Variants in C6orf136 observed in about 807,000 individuals in gnomAD.
C6orf136 encodes the protein uncharacterized protein C6orf136.
In C6orf136, 29 loss-of-function variants were observed where a neutral mutation model predicts 44.0. The observed-to-expected ratio is 0.66, with a 90% confidence interval of 0.49 to 0.90. The LOEUF (loss-of-function observed/expected upper bound fraction) is 0.90, where lower values mean the gene tolerates loss of function less well. Among genes scored for constraint, C6orf136 ranks in the 40% least tolerant of loss-of-function variants. The pLI, the probability that C6orf136 is intolerant of heterozygous loss-of-function variation, is 0.00. For synonymous variants in C6orf136, 293 were observed against 278.6 expected (o/e 1.05, Z -0.52); for missense variants, 628 against 669.3 (o/e 0.94, Z 0.68).
At chr6:30,650,923 A>G in intron 2 of C6orf136, 71 bp from the exon 3 acceptor site, 2 of 1,310,586 alleles carry the variant, frequency 1.5e-6, no homozygotes, top group South Asian at 2.5e-5. Flanking sequence ...AAAAAAAAAA[A>G]AAATTAGAAA....
Position 30,653,001 on chromosome 6 carries a change from C to A in C6orf136, c.*86C>A. 1 of 1,278,926 alleles carries A rather than the reference C, an allele frequency of 7.8e-7. No individual in the cohort carries two copies. Among genetic ancestry groups the A allele is most frequent in the Non-Finnish European group, 1.1e-6 (1 of 892,766 alleles). The allele number at this position is 1,278,926 out of a possible 1,614,324, so 79.2% of individuals were successfully genotyped here. On this transcript the variant is annotated 3_prime_UTR_variant, in exon 6 of 6. Transcript: ENST00000651131. ...GGCAGCCAAGAATCTCAGGAGCCAG[C>A]TTCCTCTCCTCGTTTCTCTCCTTCC...
At position 30,647,680 on chromosome 6, in the gene C6orf136, C is replaced by T; in HGVS notation, c.449C>T (p.Thr150Ile). Residue 150 changes from threonine (T) to isoleucine (I), a missense_variant, in exon 1 of 6, where the codon ACC becomes ATC. Coordinates refer to ENST00000651131, the MANE Select transcript of C6orf136 (RefSeq NM_001161376.2). The surrounding 1 kb of genome is among the most constrained non-coding windows in gnomAD (Gnocchi z 4.8). Reference sequence around the variant, plus strand: ...CCGTCCCGGAGTTCCCCGGCCCAGACCAGACCCGCGGGGCGCCCTCAGCAG... The same window carrying T: ...CCGTCCCGGAGTTCCCCGGCCCAGATCAGACCCGCGGGGCGCCCTCAGCAG... ...AAPSRSSPAQ[T>I]RPAGRPQQPA... is the part of the protein sequence containing the mutation. 6.5e-7 allele frequency: 1 copy of T among 1,550,152 alleles called. No homozygotes were observed. Among genetic ancestry groups the T allele is most frequent in the Non-Finnish European group, 8.7e-7 (1 of 1,146,718 alleles).
intron 2 of C6orf136, among the ~76,000 whole-genome samples, chr6:30,650,712 G>C (rs1380008200): frequency 6.6e-6 from 1 of 150,760 alleles, no homozygotes; most frequent in Non-Finnish European, 1.5e-5. Flanking sequence ...GAACCTGGGA[G>C]GCGGAGGTTG....
intron 4 of C6orf136, 29 bp from the exon 5 acceptor site, chr6:30,652,615 TTCTC>T: frequency 3.1e-6 from 5 of 1,594,766 alleles, no homozygotes; most frequent in Non-Finnish European, 4.3e-6. Context: ...ACCAGTCACC[TTCTC>T]CCTCAGTAAG....
In C6orf136 at chr6:30,647,477, G is replaced by C; in HGVS notation, c.246G>C (p.Gly82=). 6.7e-7 allele frequency: 1 copy of C among 1,486,482 alleles called. No individual in the cohort carries two copies. The highest frequency in any genetic ancestry group is 1.3e-5 in the South Asian group (1 of 74,644). The allele number at this position is 1,486,482 out of a possible 1,614,324, so 92.1% of individuals were successfully genotyped here. A position where few individuals can be genotyped will look rare whatever the true frequency, so the allele number is the denominator to read the frequency against. The part of the protein sequence containing the change: ...VDRLGVAGAG[G]RRCRACRART... ...GGCTAGGGGTCGCGGGAGCGGGAGG[G>C]AGGCGCTGCCGGGCCTGTCGCGCAA... Residue 82 remains glycine (G), a synonymous_variant, in exon 1 of 6, where the codon GGG becomes GGC. Coordinates refer to ENST00000651131, the MANE Select transcript of C6orf136 (RefSeq NM_001161376.2). The surrounding 1 kb of genome is among the most constrained non-coding windows in gnomAD (Gnocchi z 4.8).
chr6:30,650,655 T>G (rs1767320327), intron 2 of C6orf136, among the ~76,000 whole-genome samples: 1 of 151,282 alleles, frequency 6.6e-6, no homozygotes, highest in South Asian at 2.1e-4. Flanking sequence ...TGGTGGTGGG[T>G]GCCTGTAATC....
At chr6:30,650,120 G>T (rs1237740174) in intron 2 of C6orf136, among the ~76,000 whole-genome samples, 161 bp downstream of exon 2, 1 of 152,090 alleles carries the variant, frequency 6.6e-6, no homozygotes, top group Non-Finnish European at 1.5e-5. Context: ...AGCCAGGCAC[G>T]GTGGCTCAAA....
chr6:30,648,804 C>G (rs915980744), intron 1 of C6orf136, among the ~76,000 whole-genome samples: 2 of 144,704 alleles, frequency 1.4e-5, no homozygotes, highest in African/African-American at 5.1e-5. Context: ...GTCAGGAGTT[C>G]GAGAACAGCC....
rs1354971028 is a variant in C6orf136 at position 30,647,576 on chromosome 6, G to T, written c.345G>T (p.Ala115=). 5 of 1,537,342 alleles carry T rather than the reference G, an allele frequency of 3.3e-6. No homozygotes were observed. The highest frequency in any genetic ancestry group is 4.4e-6 in the Non-Finnish European group (5 of 1,136,946). The change falls in exon 1 of 6, where the codon GCG becomes GCT. Residue 115 remains alanine (A), a synonymous_variant. Coordinates refer to ENST00000651131, the MANE Select transcript of C6orf136 (RefSeq NM_001161376.2). This position sits in a 1 kb window ranked among gnomAD's most constrained non-coding sequence, Gnocchi z 4.8. ...QGQAAGRVCV[A]PDSPRLPVPR... ...AGGCAGCGGGGCGCGTCTGCGTTGC[G>T]CCCGACTCTCCGCGGTTACCTGTGC...
rs35201959 is a variant in C6orf136 at position 30,651,368 on chromosome 6, T to G, written c.1209T>G (p.Pro403=). 1,425 of 1,613,932 alleles carry G rather than the reference T, an allele frequency of 8.8e-4. 3 individuals are homozygous for G. Among genetic ancestry groups the G allele is most frequent in the Middle Eastern group, 4.1e-3 (25 of 6,062 alleles). The part of the protein sequence containing the change: ...RLEVLQLTRH[P]ENWTLQARWR... The stretch of plus-strand genomic sequence containing the variant: ...AGGTTTTACAGCTGACCCGCCACCC[T>G]GAGAACTGGACCCTGCAAGCCCGGT... Residue 403 remains proline, a synonymous_variant, in exon 4 of 6, where the codon CCT becomes CCG. Coordinates refer to ENST00000651131, the MANE Select transcript of C6orf136 (RefSeq NM_001161376.2).
chr6:30,651,861 A>T (rs1022390167), intron 4 of C6orf136, among the ~76,000 whole-genome samples: 6 of 151,402 alleles, frequency 4.0e-5, no homozygotes, highest in Non-Finnish European at 7.4e-5. Flanking sequence ...AGTTTATGTT[A>T]ATGTTAAAAA....
At position 30,647,139 on chromosome 6, in the gene C6orf136, T is replaced by G; in HGVS notation, c.-93T>G. 1 of 1,078,510 alleles carries G rather than the reference T, an allele frequency of 9.3e-7. No homozygotes were observed. The highest frequency in any genetic ancestry group is 1.3e-6 in the Non-Finnish European group (1 of 786,154). 66.8% of individuals were successfully genotyped at this position (1,078,510 alleles called of 1,614,324 possible). On this transcript the variant is annotated 5_prime_UTR_variant, in exon 1 of 6. Transcript: ENST00000651131. This position sits in a 1 kb window ranked among gnomAD's most constrained non-coding sequence, Gnocchi z 4.8. Reference sequence around the variant, plus strand: ...CCTACCCCCCCGCCCCGGCCTCCTTTCCCCTTCACGAAGCCGGCTCTGGGG... The same window carrying G: ...CCTACCCCCCCGCCCCGGCCTCCTTGCCCCTTCACGAAGCCGGCTCTGGGG...
Position 30,647,687 on chromosome 6 carries a change from C to G in C6orf136, c.456C>G (p.Pro152=), listed in dbSNP as rs766117132. Residue 152 remains proline (P), a synonymous_variant, in exon 1 of 6, where the codon CCC becomes CCG. Transcript: ENST00000651131. This position sits in a 1 kb window ranked among gnomAD's most constrained non-coding sequence, Gnocchi z 4.8. ...PSRSSPAQTR[P]AGRPQQPARL... is the part of the protein sequence containing the mutation. ...GGAGTTCCCCGGCCCAGACCAGACC[C>G]GCGGGGCGCCCTCAGCAGCCCGCCC... 3.6e-5 allele frequency: 56 copies of G among 1,550,000 alleles called. 1 individual carries two copies. The highest frequency in any genetic ancestry group is 4.4e-5 in the Non-Finnish European group (51 of 1,146,710).
At chr6:30,648,823 A>G (rs1175061759) in intron 1 of C6orf136, among the ~76,000 whole-genome samples, 1 of 149,584 alleles carries the variant, frequency 6.7e-6, no homozygotes, top group Non-Finnish European at 1.5e-5. Flanking sequence ...CCTGGCCAAC[A>G]TGGTGAAACC....
At position 30,647,416 on chromosome 6, in the gene C6orf136, C is replaced by T. The variant is rs769601702; in HGVS notation, c.185C>T (p.Pro62Leu). 5 of 1,466,480 alleles carry T rather than the reference C, an allele frequency of 3.4e-6. No homozygotes were observed. Among genetic ancestry groups the T allele is most frequent in the Non-Finnish European group, 4.5e-6 (5 of 1,107,260 alleles). 90.8% of individuals were successfully genotyped at this position (1,466,480 alleles called of 1,614,324 possible). A position where few individuals can be genotyped will look rare whatever the true frequency, so the allele number is the denominator to read the frequency against. ...LGSAQAQRHPPPLPTCALQRV... is the reference protein window; with the variant it reads ...LGSAQAQRHPLPLPTCALQRV... ...TCCGCGCAGGCGCAGAGACACCCGC[C>T]GCCCCTTCCCACCTGTGCCCTGCAG... The change falls in exon 1 of 6, where the codon CCG (proline) becomes CTG (leucine). Residue 62 changes from proline to leucine, a missense_variant. Physicochemically the swap from Pro to Leu is moderately conservative, Grantham distance 98. This residue lies in a region of C6orf136 where 497 missense variants were observed against 469.2 expected (regional missense o/e 1.06). Transcript: ENST00000651131. This position sits in a 1 kb window ranked among gnomAD's most constrained non-coding sequence, Gnocchi z 4.8.
In C6orf136 at chr6:30,647,676, C is replaced by T; in HGVS notation, c.445C>T (p.Gln149Ter). ...GGCGCCGTCCCGGAGTTCCCCGGCCCAGACCAGACCCGCGGGGCGCCCTCA... is the reference window on the plus strand; with the variant it reads ...GGCGCCGTCCCGGAGTTCCCCGGCCTAGACCAGACCCGCGGGGCGCCCTCA... ...AAAPSRSSPA[Q>*]TRPAGRPQQP... Residue 149 changes from glutamine (Q) to a stop codon, truncating the protein, a stop_gained, in exon 1 of 6, where the codon CAG becomes TAG. Transcript: ENST00000651131. LOFTEE classifies it high-confidence loss of function. The surrounding 1 kb of genome is among the most constrained non-coding windows in gnomAD (Gnocchi z 4.8). 6.5e-7 allele frequency: 1 copy of T among 1,550,138 alleles called. No homozygotes were observed. The highest frequency in any genetic ancestry group is 1.2e-5 in the South Asian group (1 of 84,028).
In C6orf136 at chr6:30,651,282, AT is replaced by A; in HGVS notation, c.1125del (p.Leu376PhefsTer3). 6.2e-7 allele frequency: 1 copy of A among 1,614,056 alleles called. No individual in the cohort carries two copies. The highest frequency in any genetic ancestry group is 8.5e-7 in the Non-Finnish European group (1 of 1,180,030). On this transcript the variant is annotated frameshift_variant, in exon 4 of 6. Coordinates refer to ENST00000651131, the MANE Select transcript of C6orf136 (RefSeq NM_001161376.2). LOFTEE classifies it high-confidence loss of function. ...NIRTKGRTWY[I>X]LSLTLCRFLA... ...TCTTCACAGGGGCCGGACATGGTAC[AT>A]TCTTTCACTGACCCTCTGCCGTTTC...
At chr6:30,650,862 A>C in intron 2 of C6orf136, 132 bp from the exon 3 acceptor site, 1 of 648,060 alleles carries the variant, frequency 1.5e-6, no homozygotes, top group South Asian at 1.9e-5. Flanking sequence ...CAGTGAGCTG[A>C]GATTGTACCT....
intron 4 of C6orf136, among the ~76,000 whole-genome samples, chr6:30,651,864 G>GT (rs910000752): frequency 6.6e-6 from 1 of 150,570 alleles, no homozygotes; most frequent in African/African-American, 2.5e-5. Flanking sequence ...TTATGTTAAT[G>GT]TTAAAAAAAA....
Sources: allele counts gnomAD v4.1 joint callset (sites outside exome capture counted in the v4.1 genomes callset), GRCh38; gene constraint gnomAD v4.1.1; regional missense constraint gnomAD v4.1.1; non-coding constraint Gnocchi (gnomAD v3.1); transcripts MANE v1.5; gene names NCBI Gene and HGNC (gene_info 2026-07-23, HGNC 2026-07-21).